The following GPC6 variants were observed in gnomAD, a reference collection of about 807,000 sequenced individuals.
The protein encoded by GPC6 is glypican 6.
A neutral mutation model predicts 55.2 loss-of-function variants in GPC6; 14 were observed. The observed-to-expected ratio is 0.25, with a 90% confidence interval of 0.17 to 0.40. The LOEUF (loss-of-function observed/expected upper bound fraction) is 0.40. Among genes scored for constraint, GPC6 ranks in the 10% least tolerant of loss-of-function variants. The probability of loss-of-function intolerance (pLI) is 1.00; values close to 1 mark genes in which losing one functional copy is unlikely to be tolerated. For missense variants in GPC6, 641 were observed against 708.5 expected (o/e 0.90, Z 1.08); for synonymous variants, 278 against 259.6 (o/e 1.07, Z -0.68).
chr13:94,353,068 C>G (rs1357046807), intron 6 of GPC6, among the ~76,000 whole-genome samples: 1 of 152,126 alleles, frequency 6.6e-6, no homozygotes, highest in Non-Finnish European at 1.5e-5. Context: ...TAACGTGTGT[C>G]AGGGAGGGAT....
intron 1 of GPC6, among the ~76,000 whole-genome samples, chr13:93,369,540 TA>T (rs1194731851): frequency 1.3e-5 from 2 of 152,158 alleles, no homozygotes; most frequent in African/African-American, 4.8e-5. Flanking sequence ...CATAGTCTAT[TA>T]TTTTTATTAC....
At chr13:93,387,222 T>C (rs892325612) in intron 1 of GPC6, among the ~76,000 whole-genome samples, 2 of 151,964 alleles carry the variant, frequency 1.3e-5, no homozygotes, top group Non-Finnish European at 2.9e-5. Flanking sequence ...GTTTGTTACA[T>C]AGGTATACAT....
chr13:94,205,105 A>G (rs1889863852), intron 4 of GPC6, among the ~76,000 whole-genome samples: 1 of 152,206 alleles, frequency 6.6e-6, no homozygotes, highest in African/African-American at 2.4e-5. Flanking sequence ...TCGTGTGCCA[A>G]AAGCATCTGT....
intron 2 of GPC6, among the ~76,000 whole-genome samples, chr13:93,609,381 TTTTTG>T (rs528800210): frequency 5.9e-5 from 9 of 152,056 alleles, no homozygotes; most frequent in Non-Finnish European, 1.3e-4. Context: ...CACCCAGCTA[TTTTTG>T]TTTTGTTTTG....
rs569428937 is a variant in GPC6 at position 93,851,349 on chromosome 13, G to A, written c.711+20804G>A. 3.3e-5 allele frequency among the ~76,000 whole-genome samples: 5 copies of A among 152,032 alleles called. No homozygotes were observed. The South Asian group carries it at 8.3e-4, about 25-fold the overall frequency. Reference sequence around the variant, plus strand: ...CCAGAGATAATGGATGTCCTCCTAAGGAAATGGTGTTTGCAGTGTTCTCTA... The same window carrying A: ...CCAGAGATAATGGATGTCCTCCTAAAGAAATGGTGTTTGCAGTGTTCTCTA... On this transcript the variant is annotated intron_variant, in intron 3 of 8. Transcript: ENST00000377047.
intron 2 of GPC6, among the ~76,000 whole-genome samples, chr13:93,764,696 G>A (rs1298303092): frequency 1.3e-5 from 2 of 152,010 alleles, no homozygotes; most frequent in African/African-American, 2.4e-5. Context: ...AGAGGCAGAA[G>A]GGGTGCATGG....
intron 4 of GPC6, among the ~76,000 whole-genome samples, chr13:94,178,189 G>A (rs867471487): frequency 1.3e-5 from 2 of 151,948 alleles, no homozygotes; most frequent in South Asian, 2.1e-4. Flanking sequence ...TGTAGAAATG[G>A]GGTTTCACTA....
chr13:94,014,650 A>G (rs1389539861), intron 3 of GPC6, among the ~76,000 whole-genome samples: 1 of 152,168 alleles, frequency 6.6e-6, no homozygotes, highest in Non-Finnish European at 1.5e-5. Context: ...AAGAAAACTT[A>G]GGCCCATCAG....
At chr13:94,068,145 A>G (rs1884600872) in intron 4 of GPC6, among the ~76,000 whole-genome samples, 1 of 152,180 alleles carries the variant, frequency 6.6e-6, no homozygotes, top group African/African-American at 2.4e-5. Flanking sequence ...ATGGACTTAT[A>G]GTTCCACATG....
intron 2 of GPC6, among the ~76,000 whole-genome samples, chr13:93,707,731 G>A (rs577390390): frequency 2.6e-5 from 4 of 151,778 alleles, no homozygotes; most frequent in South Asian, 2.1e-4. Flanking sequence ...TTTTAGATTC[G>A]TCATTCTGCG....
At chr13:94,246,961 A>T (rs1394614685) in intron 4 of GPC6, among the ~76,000 whole-genome samples, 2 of 152,012 alleles carry the variant, frequency 1.3e-5, no homozygotes, top group African/African-American at 4.8e-5. Context: ...TGGACATTTT[A>T]ACAATATTAA....
intron 6 of GPC6, among the ~76,000 whole-genome samples, chr13:94,357,611 G>A (rs1340275294): frequency 2.0e-5 from 3 of 152,168 alleles, no homozygotes; most frequent in African/African-American, 7.2e-5. Context: ...TTCTCATTAA[G>A]TGGTCACAGC....
At chr13:93,458,197 C>G (rs1192401752) in intron 1 of GPC6, among the ~76,000 whole-genome samples, 1 of 152,142 alleles carries the variant, frequency 6.6e-6, no homozygotes, top group African/African-American at 2.4e-5. Context: ...TGTGATCACA[C>G]ATACTGCTCA....
intron 1 of GPC6, among the ~76,000 whole-genome samples, chr13:93,245,727 G>T (rs1308945941): frequency 6.6e-6 from 1 of 152,086 alleles, no homozygotes; most frequent in Non-Finnish European, 1.5e-5. Context: ...TTTTTACATT[G>T]GTTGTGGGTG....
chr13:93,739,517 C>T (rs1884125643), intron 2 of GPC6, among the ~76,000 whole-genome samples: 1 of 150,816 alleles, frequency 6.6e-6, no homozygotes, highest in Non-Finnish European at 1.5e-5. Context: ...GCAAGCTCTG[C>T]CTCCCGGGTT....
At chr13:93,486,811 G>C (rs1256382065) in intron 1 of GPC6, among the ~76,000 whole-genome samples, 1 of 152,002 alleles carries the variant, frequency 6.6e-6, no homozygotes, top group Non-Finnish European at 1.5e-5. Context: ...TGGGTGTGGT[G>C]GCATGCGCCT....
intron 2 of GPC6, among the ~76,000 whole-genome samples, chr13:93,605,599 C>G (rs1927690): frequency 0.92 from 139,683 of 151,924 alleles, 64,332 homozygotes; most frequent in African/African-American, 0.98. Context: ...CACTTTGGGA[C>G]GCCAAGGCAG....
chr13:93,930,604 G>A (rs1878116145), intron 3 of GPC6, among the ~76,000 whole-genome samples: 1 of 151,908 alleles, frequency 6.6e-6, no homozygotes, highest in Non-Finnish European at 1.5e-5. Flanking sequence ...AGTACAATAT[G>A]ACTGTACACA....
In GPC6 at chr13:93,288,645, G is replaced by A. The variant is rs368820265; in HGVS notation, c.160+61029G>A. ...AAAAGGCTGTCAGTATTATCACTTC[G>A]TATTACTTTATAAAAATATCTGGAA... On this transcript the variant is annotated intron_variant, in intron 1 of 8. Transcript: ENST00000377047. Among the ~76,000 whole-genome samples the A allele has an allele frequency of 5.6e-4, 85 of 152,206 alleles. No individual in the cohort carries two copies. The South Asian group carries it at 0.016, about 29-fold the overall frequency.
Sources: gnomAD v4.1 joint callset for allele counts (sites outside exome capture counted in the v4.1 genomes callset) on GRCh38, gnomAD v4.1.1 for gene constraint, MANE v1.5 for transcripts, NCBI Gene and HGNC (gene_info 2026-07-23, HGNC 2026-07-21) for gene names.